Variants in GABRA3 observed in about 807,000 individuals in gnomAD.
The protein encoded by GABRA3 is gamma-aminobutyric acid receptor subunit alpha-3.
Under a neutral mutation model 30.1 loss-of-function variants are expected in GABRA3, and 10 were observed. The ratio of observed to expected loss-of-function variants is 0.33; its 90% CI spans 0.20 to 0.56. GABRA3 has a LOEUF of 0.56. Ranked by LOEUF, GABRA3 falls within the 20% of genes least tolerant of loss-of-function variation. The probability of loss-of-function intolerance (pLI) is 0.89; values close to 1 mark genes in which losing one functional copy is unlikely to be tolerated. For missense variants in GABRA3, 233 were observed against 392.0 expected (o/e 0.59, Z 3.42); for synonymous variants, 151 against 146.8 (o/e 1.03, Z -0.21).
intron 3 of GABRA3, among the ~76,000 whole-genome samples, chrX:152,293,251 T>C (rs1939456686): frequency 9.0e-6 from 1 of 111,721 alleles, no homozygotes; most frequent in Non-Finnish European, 1.9e-5. Flanking sequence ...TGGGTGCATA[T>C]ATATTTAGGA....
chrX:152,338,863 G>A (rs977452527), intron 3 of GABRA3, among the ~76,000 whole-genome samples: 1 of 107,748 alleles, frequency 9.3e-6, no homozygotes, highest in Non-Finnish European at 1.9e-5. Flanking sequence ...TTATATGTGG[G>A]TTTTCTATTC....
chrX:152,302,196 G>A (rs181681947), intron 3 of GABRA3, among the ~76,000 whole-genome samples: 1 of 110,810 alleles, frequency 9.0e-6, no homozygotes, highest in East Asian at 2.8e-4. Flanking sequence ...GCACAAACAT[G>A]TAAATAAATA....
At chrX:152,345,099 C>G (rs1258445428) in intron 3 of GABRA3, among the ~76,000 whole-genome samples, 1 of 111,181 alleles carries the variant, frequency 9.0e-6, no homozygotes, top group Non-Finnish European at 1.9e-5. Flanking sequence ...GTTTTGAAAA[C>G]AAAGGCATGT....
At chrX:152,384,761 T>C (rs1349271285) in intron 1 of GABRA3, among the ~76,000 whole-genome samples, 1 of 111,959 alleles carries the variant, frequency 8.9e-6, no homozygotes, top group Non-Finnish European at 1.9e-5. Context: ...ACAGACTACA[T>C]TAAAATTCAG....
At chrX:152,215,855 AG>A (rs1937710399) in intron 6 of GABRA3, among the ~76,000 whole-genome samples, 2 of 111,632 alleles carry the variant, frequency 1.8e-5, no homozygotes, top group South Asian at 7.4e-4. Flanking sequence ...ACATCTGATA[AG>A]GGGTTAATAT....
intron 3 of GABRA3, among the ~76,000 whole-genome samples, chrX:152,291,974 T>C (rs1939427506): frequency 9.0e-6 from 1 of 111,577 alleles, no homozygotes. Flanking sequence ...GGTTTAAAAT[T>C]CTCTTTTTTT....
At chrX:152,236,138 TC>T (rs1289818805) in intron 5 of GABRA3, among the ~76,000 whole-genome samples, 4 of 56,340 alleles carry the variant, frequency 7.1e-5, no homozygotes, top group Admixed American at 4.6e-4. Flanking sequence ...ATGCTATCCC[TC>T]CCCCCTCCCC....
chrX:152,210,535 G>T (rs1448813361), intron 6 of GABRA3, among the ~76,000 whole-genome samples: 1 of 112,154 alleles, frequency 8.9e-6, no homozygotes. Flanking sequence ...ATCTACAAGG[G>T]ATGGTCACTA....
At chrX:152,187,658 C>G (rs1297793759) in intron 9 of GABRA3, among the ~76,000 whole-genome samples, 1 of 111,503 alleles carries the variant, frequency 9.0e-6, no homozygotes, top group African/African-American at 3.3e-5. Context: ...AGGAAGACTA[C>G]TCATAAGAGA....
chrX:152,366,222 T>C (rs189804958), intron 1 of GABRA3, among the ~76,000 whole-genome samples: 9 of 112,123 alleles, frequency 8.0e-5, no homozygotes, highest in African/African-American at 2.9e-4. Context: ...TGTGTAATCA[T>C]ATGACAAGAA....
intron 5 of GABRA3, among the ~76,000 whole-genome samples, chrX:152,236,821 C>A (rs1222811473): frequency 1.0e-5 from 1 of 97,600 alleles, no homozygotes; most frequent in Non-Finnish European, 2.1e-5. Context: ...TCATGTCTTT[C>A]GCCCACTTTT....
At chrX:152,295,671 G>A (rs1404139387) in intron 3 of GABRA3, among the ~76,000 whole-genome samples, 5 of 112,327 alleles carry the variant, frequency 4.5e-5, no homozygotes, top group Admixed American at 9.4e-5. Flanking sequence ...GCAATGCTCC[G>A]CCCTGTTTCG....
intron 1 of GABRA3, among the ~76,000 whole-genome samples, chrX:152,395,112 CA>C (rs937302702): frequency 9.2e-6 from 1 of 108,966 alleles, no homozygotes; most frequent in African/African-American, 3.3e-5. Context: ...GACAGTGGTA[CA>C]AAAAAAAGAC....
At chrX:152,175,250 ATTT>A (rs72105011) in intron 9 of GABRA3, among the ~76,000 whole-genome samples, 1 of 102,365 alleles carries the variant, frequency 9.8e-6, no homozygotes, top group African/African-American at 3.5e-5. Context: ...ATAGCAATGG[ATTT>A]TTTTTTTTTT....
At chrX:152,445,480 A>C (rs1931065339) in intron 1 of GABRA3, among the ~76,000 whole-genome samples, 1 of 111,494 alleles carries the variant, frequency 9.0e-6, no homozygotes, top group Non-Finnish European at 1.9e-5. Flanking sequence ...AACTCTCAGG[A>C]CAGTTACAAT....
intron 1 of GABRA3, among the ~76,000 whole-genome samples, chrX:152,368,360 T>C (rs911444642): frequency 1.8e-5 from 2 of 111,473 alleles, no homozygotes; most frequent in Non-Finnish European, 3.8e-5. Flanking sequence ...CTTTTTTAGA[T>C]TAATCCACAT....
chrX:152,434,669 T>C (rs773560771), intron 1 of GABRA3, among the ~76,000 whole-genome samples: 9 of 112,000 alleles, frequency 8.0e-5, no homozygotes, highest in Non-Finnish European at 1.5e-4. Flanking sequence ...CCGAGATATA[T>C]ATAACAAGAA....
At position 152,203,999 on chromosome X, in the gene GABRA3, T is replaced by C. The variant is rs185429241; in HGVS notation, c.778+4002A>G. Among the ~76,000 whole-genome samples the C allele has an allele frequency of 1.8e-4, 20 of 111,831 alleles. No individual in the cohort carries two copies. The East Asian group carries it at 5.1e-3, about 28-fold the overall frequency. On this transcript the variant is annotated intron_variant, in intron 7 of 9. Transcript: ENST00000370314. Reference sequence around the variant, plus strand: ...TGTATATTTTAATCCGTTTTTACAATGAAAGCAAACTTTTAGTTGGCAGAA... The same window carrying C: ...TGTATATTTTAATCCGTTTTTACAACGAAAGCAAACTTTTAGTTGGCAGAA...
intron 5 of GABRA3, among the ~76,000 whole-genome samples, chrX:152,227,531 A>T (rs1368374078): frequency 9.4e-6 from 1 of 106,443 alleles, no homozygotes; most frequent in Non-Finnish European, 1.9e-5. Context: ...TTAAAGTATA[A>T]TGATAATAAA....
Sources: allele counts gnomAD v4.1 joint callset (sites outside exome capture counted in the v4.1 genomes callset), GRCh38; gene constraint gnomAD v4.1.1; transcripts MANE v1.5; gene names NCBI Gene and HGNC (gene_info 2026-07-23, HGNC 2026-07-21).